The following P3H2 variants were observed in gnomAD, a reference collection of about 807,000 sequenced individuals.
P3H2 encodes leprecan-like 1.
In P3H2, 80 loss-of-function variants were observed where a neutral mutation model predicts 87.0. The ratio of observed to expected loss-of-function variants is 0.92; its 90% CI spans 0.77 to 1.11. P3H2 has a LOEUF of 1.11. Among genes scored for constraint, P3H2 ranks in the 50% least tolerant of loss-of-function variants. The pLI is 0.00. For missense variants in P3H2, 1,001 were observed against 923.9 expected (o/e 1.08, Z -1.08); for synonymous variants, 367 against 359.3 (o/e 1.02, Z -0.24).
chr3:190,039,184 C>T (rs1411026727), intron 1 of P3H2, among the ~76,000 whole-genome samples: 1 of 81,548 alleles, frequency 1.2e-5, no homozygotes, highest in Non-Finnish European at 2.5e-5. Context: ...AGCGAAACTC[C>T]ATCTCAAAAA....
chr3:190,116,314 C>T (rs1335402689), intron 1 of P3H2, among the ~76,000 whole-genome samples: 1 of 152,048 alleles, frequency 6.6e-6, no homozygotes, highest in Non-Finnish European at 1.5e-5. Context: ...AGAATCAGGC[C>T]CTATGCTGGG....
At chr3:190,064,425 T>C (rs1726433596) in intron 1 of P3H2, among the ~76,000 whole-genome samples, 2 of 152,094 alleles carry the variant, frequency 1.3e-5, no homozygotes, top group South Asian at 2.1e-4. Flanking sequence ...GCTAGGCTGA[T>C]AGCTGCTCAG....
intron 1 of P3H2, among the ~76,000 whole-genome samples, chr3:190,061,819 T>C (rs1223383194): frequency 5.3e-5 from 8 of 152,188 alleles, no homozygotes; most frequent in African/African-American, 1.9e-4. Flanking sequence ...CACACAAGCA[T>C]GAATTCAAAT....
In P3H2 at chr3:189,959,232, T is replaced by C. The variant is rs201081025; in HGVS notation, c.2035-1228A>G. Among the ~76,000 whole-genome samples the C allele has an allele frequency of 5.9e-4, 34 of 57,312 alleles. No homozygotes were observed. In the South Asian group the frequency reaches 6.2e-3, roughly 10 times the overall value. 37.6% of individuals were successfully genotyped at this position (57,312 alleles called of 152,430 possible). ...AAGTTGCTTTACACCTGTCTCTTCT[T>C]TTTTTTTTCTTTTATTTATTTATTT... On this transcript the variant is annotated intron_variant, in intron 14 of 14. Transcript: ENST00000319332.
intron 5 of P3H2, 134 bp from the exon 6 acceptor site, chr3:189,987,011 G>T: frequency 1.5e-6 from 1 of 677,156 alleles, no homozygotes. Context: ...GCAAGACTTG[G>T]CCCCATCTCA....
intron 1 of P3H2, among the ~76,000 whole-genome samples, chr3:190,046,444 C>G (rs1173216699): frequency 6.6e-6 from 1 of 152,120 alleles, no homozygotes; most frequent in Non-Finnish European, 1.5e-5. Flanking sequence ...AGGTATAATG[C>G]TGCCAAATTC....
intron 1 of P3H2, among the ~76,000 whole-genome samples, chr3:190,090,060 T>C (rs193204608): frequency 3.2e-4 from 48 of 152,184 alleles, no homozygotes; most frequent in Middle Eastern, 6.8e-3. Flanking sequence ...TCTCTGTAGG[T>C]AGATTTATTT....
At chr3:190,053,987 G>GA (rs1033995814) in intron 1 of P3H2, among the ~76,000 whole-genome samples, 13 of 151,868 alleles carry the variant, frequency 8.6e-5, no homozygotes, top group Admixed American at 1.3e-4. Flanking sequence ...ACCATTTACT[G>GA]AAAAAAATAT....
At chr3:190,025,423 C>A (rs959738487) in intron 1 of P3H2, among the ~76,000 whole-genome samples, 2 of 152,116 alleles carry the variant, frequency 1.3e-5, no homozygotes, top group African/African-American at 4.8e-5. Context: ...ACTAAACTGG[C>A]TGGATTTTAA....
intron 6 of P3H2, 41 bp downstream of exon 6, chr3:189,986,747 C>T (rs907706515): frequency 7.3e-7 from 1 of 1,368,786 alleles, no homozygotes; most frequent in Non-Finnish European, 1.0e-6. Context: ...AAGGATTCCA[C>T]TGAATCATTA....
At chr3:190,027,091 A>G (rs975419575) in intron 1 of P3H2, among the ~76,000 whole-genome samples, 1 of 152,194 alleles carries the variant, frequency 6.6e-6, no homozygotes, top group African/African-American at 2.4e-5. Flanking sequence ...TATCATTCTC[A>G]CTTACATATG....
chr3:190,083,149 A>C (rs1017007988), intron 1 of P3H2, among the ~76,000 whole-genome samples: 2 of 152,180 alleles, frequency 1.3e-5, no homozygotes, highest in Non-Finnish European at 2.9e-5. Flanking sequence ...AAACACAATC[A>C]TGAAAATAAC....
At chr3:190,106,642 T>C (rs1185589127) in intron 1 of P3H2, among the ~76,000 whole-genome samples, 6 of 152,200 alleles carry the variant, frequency 3.9e-5, no homozygotes, top group Admixed American at 6.6e-5. Flanking sequence ...ACAAGTTTCA[T>C]ACAGTCTCAA....
intron 1 of P3H2, among the ~76,000 whole-genome samples, chr3:190,106,128 G>A (rs569434211): frequency 6.6e-6 from 1 of 152,142 alleles, no homozygotes; most frequent in South Asian, 2.1e-4. Context: ...AAACAGAGAA[G>A]ATTTGGAATG....
intron 14 of P3H2, among the ~76,000 whole-genome samples, chr3:189,960,752 G>A (rs938522254): frequency 8.6e-5 from 13 of 152,044 alleles, no homozygotes; most frequent in Admixed American, 3.9e-4. Flanking sequence ...CAGTGCCTGC[G>A]CACAGTAAGT....
chr3:189,972,807 G>T, intron 11 of P3H2, 67 bp downstream of exon 11: 1 of 1,543,736 alleles, frequency 6.5e-7, no homozygotes, highest in Non-Finnish European at 9.0e-7. Context: ...GTTGAGCTTT[G>T]TTTTGCCTTG....
intron 1 of P3H2, among the ~76,000 whole-genome samples, chr3:190,035,597 C>T (rs1725394157): frequency 6.6e-6 from 1 of 152,122 alleles, no homozygotes; most frequent in South Asian, 2.1e-4. Context: ...AATTTTCTGT[C>T]ACCCATTAAT....
intron 1 of P3H2, among the ~76,000 whole-genome samples, chr3:190,014,088 G>A (rs1724678323): frequency 6.6e-6 from 1 of 152,308 alleles, no homozygotes; most frequent in South Asian, 2.1e-4. Flanking sequence ...ATTGCTTACA[G>A]GTGAGGAATT....
chr3:190,071,022 C>T (rs774726409), intron 1 of P3H2, among the ~76,000 whole-genome samples: 13 of 151,968 alleles, frequency 8.6e-5, no homozygotes, highest in South Asian at 6.2e-4. Context: ...GGCTTTTTTC[C>T]GGATTATAAA....
Sources: allele counts gnomAD v4.1 joint callset (sites outside exome capture counted in the v4.1 genomes callset), GRCh38; gene constraint gnomAD v4.1.1; transcripts MANE v1.5; gene names NCBI Gene and HGNC (gene_info 2026-07-23, HGNC 2026-07-21).